The following TANGO2 variants were observed in gnomAD, a reference collection of about 807,000 sequenced individuals.
The protein encoded by TANGO2 is transport and Golgi organization protein 2 homolog.
TANGO2 carries 26 observed loss-of-function variants against 39.1 expected under a neutral mutation model. The observed-to-expected ratio is 0.67, with a 90% CI of 0.49 to 0.92. The LOEUF is 0.92. Ranked by LOEUF, TANGO2 falls within the 40% of genes least tolerant of loss-of-function variation. The pLI is 0.00. For missense variants in TANGO2, 326 were observed against 360.1 expected, an observed-to-expected ratio of 0.91 and a Z score of 0.77; for synonymous variants, 131 against 144.5, an observed-to-expected ratio of 0.91 and a Z score of 0.67.
In TANGO2 at chr22:20,031,410, C is replaced by A. The variant is rs577787669; in HGVS notation, c.-39-5350C>A. Among the ~76,000 whole-genome samples the A allele has an allele frequency of 3.0e-4, 46 of 152,338 alleles. No individual in the cohort carries two copies. The South Asian group carries it at 9.1e-3, about 30-fold the overall frequency. On this transcript the variant is annotated intron_variant, in intron 1 of 8. Coordinates refer to ENST00000327374, the MANE Select transcript of TANGO2 (RefSeq NM_152906.7). ...TTCTTGTCCTGGCTCAGGAACCTCA[C>A]CACCATGCCACGTTGCCCTGCTGCG...
intron 1 of TANGO2, among the ~76,000 whole-genome samples, chr22:20,030,266 C>T (rs2041599259): frequency 6.6e-6 from 1 of 150,908 alleles, no homozygotes; most frequent in African/African-American, 2.4e-5. Flanking sequence ...CTCGTGGGTT[C>T]AAGTGATTCT....
chr22:20,029,536 C>T (rs563150683), intron 1 of TANGO2, among the ~76,000 whole-genome samples: 5 of 152,296 alleles, frequency 3.3e-5, no homozygotes, highest in South Asian at 2.1e-4. Context: ...CCCTTGGCTG[C>T]GGTGTGAAGA....
intron 1 of TANGO2, among the ~76,000 whole-genome samples, chr22:20,022,418 G>A (rs1414387883): frequency 6.6e-6 from 1 of 152,150 alleles, no homozygotes; most frequent in African/African-American, 2.4e-5. Flanking sequence ...TCCAGGGTAG[G>A]GTGCCCTGGT....
At chr22:20,029,001 G>A (rs540484333) in intron 1 of TANGO2, among the ~76,000 whole-genome samples, 2 of 152,340 alleles carry the variant, frequency 1.3e-5, no homozygotes, top group Non-Finnish European at 2.9e-5. Context: ...TTGTCCCCAC[G>A]CAGCCCTGGC....
At position 20,057,105 on chromosome 22, in the gene TANGO2, G is replaced by C. The variant is rs2047516501; in HGVS notation, c.451+1092G>C. On this transcript the variant is annotated intron_variant, in intron 6 of 8. Transcript: ENST00000327374. This position sits in a 1 kb window ranked among gnomAD's most constrained non-coding sequence, Gnocchi z 4.1. ...GTCACAGGTGCACACCTTCCCACTG[G>C]GTGTACACGGTGGAACTGAAGCCCC... 2.6e-6 allele frequency: 1 copy of C among 387,320 alleles called. No homozygotes were observed. Among genetic ancestry groups the C allele is most frequent in the African/African-American group, 2.1e-5 (1 of 48,168 alleles). The allele number at this position is 387,320 out of a possible 1,614,324, so 24.0% of individuals were successfully genotyped here. A position where few individuals can be genotyped will look rare whatever the true frequency, so the allele number is the denominator to read the frequency against.
intron 4 of TANGO2, 125 bp from the exon 5 acceptor site, chr22:20,053,312 C>T (rs1377716895): frequency 4.6e-6 from 3 of 656,920 alleles, no homozygotes; most frequent in Non-Finnish European, 8.4e-6. Context: ...GCAGTCATGA[C>T]AGGCCAGGGC....
At chr22:20,029,296 CAG>C (rs2041389580) in intron 1 of TANGO2, among the ~76,000 whole-genome samples, 1 of 152,148 alleles carries the variant, frequency 6.6e-6, no homozygotes, top group Non-Finnish European at 1.5e-5. Context: ...AGAAGGTGGG[CAG>C]AGAGGACGGT....
At chr22:20,019,690 C>A (rs1302328008), upstream of TANGO2, among the ~76,000 whole-genome samples, 3 of 152,250 alleles carry the variant, frequency 2.0e-5, no homozygotes. Flanking sequence ...CAGGTGCTGC[C>A]ATGAACCCCA....
At position 20,063,358 on chromosome 22, in the gene TANGO2, T is replaced by A; in HGVS notation, c.626T>A (p.Ile209Asn). Residue 209 changes from isoleucine to asparagine, a missense_variant, in exon 8 of 9, where the codon ATC becomes AAC. By Grantham distance (149) the Ile-to-Asn change is moderately radical. Transcript: ENST00000327374. Reference sequence around the variant, plus strand: ...TGCAGGCAGCTGCCAGACCCGGCCATCGAGGACCAGGGTGGGGAGTACGTG... The same window carrying A: ...TGCAGGCAGCTGCCAGACCCGGCCAACGAGGACCAGGGTGGGGAGTACGTG... ...NEEAQLPDPAIEDQGGEYVQP... is the reference protein window; with the variant it reads ...NEEAQLPDPANEDQGGEYVQP... 1 of 1,613,356 alleles carries A rather than the reference T, an allele frequency of 6.2e-7. No individual in the cohort carries two copies. The highest frequency in any genetic ancestry group is 1.1e-5 in the South Asian group (1 of 91,064).
At chr22:20,053,596 CG>C (rs772171404) in intron 5 of TANGO2, 45 bp downstream of exon 5, 1 of 1,304,086 alleles carries the variant, frequency 7.7e-7, no homozygotes, top group Non-Finnish European at 1.1e-6. Flanking sequence ...AGCACTGCCT[CG>C]GGGGCAGGCC....
chr22:20,037,956 G>A (rs987024385), intron 2 of TANGO2, among the ~76,000 whole-genome samples: 1 of 152,172 alleles, frequency 6.6e-6, no homozygotes, highest in Non-Finnish European at 1.5e-5. Context: ...GGGCATGGGG[G>A]TGGGCGCCTG....
At chr22:20,041,659 G>T (rs2043964062) in intron 2 of TANGO2, among the ~76,000 whole-genome samples, 1 of 152,016 alleles carries the variant, frequency 6.6e-6, no homozygotes, top group South Asian at 2.1e-4. Context: ...TCTTGGCCAG[G>T]CTGGTCTTGA....
chr22:20,028,942 C>G (rs1036607558), intron 1 of TANGO2, among the ~76,000 whole-genome samples: 4 of 152,248 alleles, frequency 2.6e-5, no homozygotes, highest in African/African-American at 9.6e-5. Flanking sequence ...GAAGCAGATC[C>G]TCACTGCCAG....
chr22:20,020,699 G>C (rs1277568321), upstream of TANGO2, among the ~76,000 whole-genome samples: 1 of 152,096 alleles, frequency 6.6e-6, no homozygotes, highest in Non-Finnish European at 1.5e-5. Context: ...TGAGTGAACA[G>C]GATGGGGAGA....
chr22:20,045,248 C>T (rs2044897272), intron 3 of TANGO2, among the ~76,000 whole-genome samples: 1 of 143,308 alleles, frequency 7.0e-6, no homozygotes, highest in South Asian at 2.2e-4. Flanking sequence ...CCGGCCTGGG[C>T]AACGTAGTGA....
At chr22:20,055,558 A>AT in intron 5 of TANGO2, 1 of 315,928 alleles carries the variant, frequency 3.2e-6, no homozygotes, top group Non-Finnish European at 6.1e-6. Context: ...ACCCTCATAG[A>AT]TGAGCTGTGG....
At chr22:20,062,827 C>T (rs1293124913) in intron 7 of TANGO2, among the ~76,000 whole-genome samples, 1 of 152,222 alleles carries the variant, frequency 6.6e-6, no homozygotes, top group Non-Finnish European at 1.5e-5. Flanking sequence ...TGAGCAGAAA[C>T]GTGGAGGAAA....
intron 6 of TANGO2, chr22:20,061,284 G>A: frequency 2.4e-6 from 1 of 413,510 alleles, no homozygotes; most frequent in Non-Finnish European, 4.3e-6. Context: ...AGGCTGCTGG[G>A]CATCTGTGCC....
upstream of TANGO2, chr22:20,020,949 G>T (rs1348547586): frequency 6.6e-6 from 1 of 152,056 alleles, no homozygotes; most frequent in Non-Finnish European, 1.5e-5. Context: ...GGGGCGGGGC[G>T]CCAGGAGGTG....
Sources: gnomAD v4.1 joint callset for allele counts (sites outside exome capture counted in the v4.1 genomes callset) on GRCh38, gnomAD v4.1.1 for gene constraint, Gnocchi (gnomAD v3.1) non-coding constraint, MANE v1.5 for transcripts, NCBI Gene and HGNC (gene_info 2026-07-23, HGNC 2026-07-21) for gene names.